Variants in ADGRL3 observed in about 807,000 individuals in gnomAD.
The protein encoded by ADGRL3 is calcium-independent alpha-latrotoxin receptor 3.
In ADGRL3, 62 loss-of-function variants were observed where a neutral mutation model predicts 153.5. That is an observed-to-expected ratio of 0.40 (90% CI 0.33 to 0.50). The LOEUF is 0.50. Among genes scored for constraint, ADGRL3 ranks in the 20% least tolerant of loss-of-function variants. The pLI, the probability that ADGRL3 is intolerant of heterozygous loss-of-function variation, is 0.47. For synonymous variants in ADGRL3, 710 were observed against 672.5 expected (o/e 1.06, Z -0.86); for missense variants, 1,641 against 1,859.4 (o/e 0.88, Z 2.16).
chr4:61,568,918 A>G (rs1019972972), intron 4 of ADGRL3, among the ~76,000 whole-genome samples: 1 of 152,092 alleles, frequency 6.6e-6, no homozygotes, highest in Non-Finnish European at 1.5e-5. Context: ...GCTGTCTTCA[A>G]TCTATGGATC....
rs1237222844 is a variant in ADGRL3 at position 62,071,505 on chromosome 4, G to A, written c.*597G>A. The A allele has an allele frequency of 5.8e-6, 1 of 172,904 alleles. No homozygotes were observed. The highest frequency in any genetic ancestry group is 1.2e-5 in the Non-Finnish European group (1 of 80,504). 10.7% of individuals were successfully genotyped at this position (172,904 alleles called of 1,614,324 possible). ...ATGCTAAATGCATATTTTATGATTT[G>A]CTGTATTAACTGATGATAAAACTAA... On this transcript the variant is annotated 3_prime_UTR_variant, in exon 27 of 27. Coordinates refer to ENST00000683033, the MANE Select transcript of ADGRL3 (RefSeq NM_001387552.1).
At chr4:61,534,330 A>C (rs1286501176) in intron 4 of ADGRL3, among the ~76,000 whole-genome samples, 1 of 151,994 alleles carries the variant, frequency 6.6e-6, no homozygotes, top group Non-Finnish European at 1.5e-5. Flanking sequence ...ACATCATGCT[A>C]TTTTGATTAT....
At chr4:61,959,268 C>G (rs1275007160) in intron 17 of ADGRL3, among the ~76,000 whole-genome samples, 2 of 152,014 alleles carry the variant, frequency 1.3e-5, no homozygotes, top group African/African-American at 4.8e-5. Context: ...TGTAGAGCAC[C>G]GTAACATATG....
intron 5 of ADGRL3, among the ~76,000 whole-genome samples, chr4:61,629,147 G>T (rs529137713): frequency 6.6e-6 from 1 of 152,050 alleles, no homozygotes; most frequent in East Asian, 1.9e-4. Context: ...AACCTCTTTC[G>T]CTTAAAAGTA....
intron 2 of ADGRL3, among the ~76,000 whole-genome samples, chr4:61,474,530 A>G (rs2098018656): frequency 6.6e-6 from 1 of 152,178 alleles, no homozygotes; most frequent in Non-Finnish European, 1.5e-5. Context: ...TATAAAACTG[A>G]AATAATGTCA....
chr4:61,517,996 T>C (rs950258408), intron 4 of ADGRL3, among the ~76,000 whole-genome samples: 2 of 152,180 alleles, frequency 1.3e-5, no homozygotes, highest in African/African-American at 4.8e-5. Flanking sequence ...AAAAAAGTTA[T>C]AGTTACTGAA....
chr4:61,986,861 T>A (rs950621122), intron 19 of ADGRL3, among the ~76,000 whole-genome samples: 23 of 152,196 alleles, frequency 1.5e-4, no homozygotes, highest in African/African-American at 5.5e-4. Context: ...CAATCCAACA[T>A]CTATACAGTG....
chr4:61,332,688 T>C (rs1049061437), intron 1 of ADGRL3, among the ~76,000 whole-genome samples: 16 of 152,166 alleles, frequency 1.1e-4, no homozygotes, highest in African/African-American at 3.9e-4. Flanking sequence ...TTTTAATGTG[T>C]CTGTCAAATA....
At chr4:61,628,662 C>T (rs186744368) in intron 5 of ADGRL3, among the ~76,000 whole-genome samples, 23 of 152,224 alleles carry the variant, frequency 1.5e-4, no homozygotes, top group Admixed American at 1.5e-3. Flanking sequence ...GTTCTTTTCT[C>T]CTGCAGAAAA....
chr4:61,394,397 C>T (rs935929518), intron 2 of ADGRL3, among the ~76,000 whole-genome samples: 1 of 151,986 alleles, frequency 6.6e-6, no homozygotes, highest in Non-Finnish European at 1.5e-5. Context: ...CGGATAGCTA[C>T]AGTATTCTTT....
intron 2 of ADGRL3, among the ~76,000 whole-genome samples, chr4:61,444,889 T>TA (rs995142410): frequency 6.6e-6 from 1 of 151,702 alleles, no homozygotes; most frequent in African/African-American, 2.4e-5. Flanking sequence ...CTTGTCCCTA[T>TA]AAAAAATACA....
At chr4:61,787,003 CA>C (rs1288638327) in intron 8 of ADGRL3, among the ~76,000 whole-genome samples, 2 of 152,000 alleles carry the variant, frequency 1.3e-5, no homozygotes, top group African/African-American at 4.8e-5. Flanking sequence ...CATGAGTACA[CA>C]AAAGATAAAG....
intron 1 of ADGRL3, among the ~76,000 whole-genome samples, chr4:61,264,943 G>A (rs190227935): frequency 4.6e-5 from 7 of 151,916 alleles, no homozygotes; most frequent in South Asian, 4.1e-4. Flanking sequence ...TCAGTAAAAG[G>A]CATCTTGTGT....
intron 1 of ADGRL3, among the ~76,000 whole-genome samples, chr4:61,307,991 C>T (rs931194728): frequency 6.6e-6 from 1 of 152,128 alleles, no homozygotes; most frequent in African/African-American, 2.4e-5. Flanking sequence ...AACTACATCC[C>T]CCTAAAATGG....
intron 24 of ADGRL3, 98 bp downstream of exon 24, chr4:62,037,954 C>T (rs1292771470): frequency 6.5e-6 from 9 of 1,378,356 alleles, no homozygotes; most frequent in African/African-American, 1.4e-5. Flanking sequence ...TTTAACACAT[C>T]GTTTGTTTTT....
chr4:61,237,921 G>A (rs545241214), intron 1 of ADGRL3, among the ~76,000 whole-genome samples: 4 of 152,230 alleles, frequency 2.6e-5, no homozygotes, highest in South Asian at 2.1e-4. Flanking sequence ...GTAACAGTGC[G>A]AGTCTGTGTT....
chr4:61,404,165 A>T (rs1471806384), intron 2 of ADGRL3, among the ~76,000 whole-genome samples: 2 of 152,122 alleles, frequency 1.3e-5, no homozygotes, highest in East Asian at 3.9e-4. Context: ...GACAGGCATA[A>T]CTAGAATAAT....
intron 9 of ADGRL3, among the ~76,000 whole-genome samples, chr4:61,817,942 G>T (rs1313153440): frequency 2.6e-5 from 4 of 152,134 alleles, no homozygotes; most frequent in Non-Finnish European, 4.4e-5. Flanking sequence ...TACAATGCAA[G>T]ATGAGATTTG....
In ADGRL3 at chr4:61,704,146, G is replaced by T. The variant is rs141736022; in HGVS notation, c.584-26476G>T. Among the ~76,000 whole-genome samples the T allele has an allele frequency of 4.3e-3, 661 of 152,176 alleles. 1 individual carries two copies. The highest frequency in any genetic ancestry group is 6.8e-3 in the Non-Finnish European group (462 of 68,006). ...AATTGCTAATGAAGTTCATGTATAGGCAGACTTTGTTATTTGATATCATAA... is the reference window on the plus strand; with the variant it reads ...AATTGCTAATGAAGTTCATGTATAGTCAGACTTTGTTATTTGATATCATAA... On this transcript the variant is annotated intron_variant, in intron 6 of 26. Transcript: ENST00000683033.
Sources: allele counts gnomAD v4.1 joint callset (sites outside exome capture counted in the v4.1 genomes callset), GRCh38; gene constraint gnomAD v4.1.1; transcripts MANE v1.5; gene names NCBI Gene and HGNC (gene_info 2026-07-23, HGNC 2026-07-21).